The following ANPEP variants were observed in gnomAD, a reference collection of about 807,000 sequenced individuals.
The protein encoded by ANPEP is alanyl aminopeptidase, membrane.
ANPEP carries 70 observed loss-of-function variants against 114.6 expected under a neutral mutation model. That is an observed-to-expected ratio of 0.61 (90% CI 0.50 to 0.75). ANPEP has a LOEUF of 0.75. Ranked by LOEUF, ANPEP falls within the 30% of genes least tolerant of loss-of-function variation. The pLI, the probability that ANPEP is intolerant of heterozygous loss-of-function variation, is 0.00. For missense variants in ANPEP, 1,184 were observed against 1,259.5 expected (o/e 0.94, Z 0.91); for synonymous variants, 548 against 522.3 (o/e 1.05, Z -0.67).
chr15:89,792,430 G>T (rs1245888630), intron 17 of ANPEP, 22 bp downstream of exon 17: 7 of 1,613,384 alleles, frequency 4.3e-6, no homozygotes, highest in Non-Finnish European at 5.9e-6. Context: ...ACTGGCAGAG[G>T]AGGCGCAGGG....
At chr15:89,787,971 G>A (rs930407915) in intron 20 of ANPEP, among the ~76,000 whole-genome samples, 16 of 152,126 alleles carry the variant, frequency 1.1e-4, no homozygotes, top group African/African-American at 3.9e-4. Flanking sequence ...ACTAAAAAAA[G>A]AGGGAAAGAG....
At chr15:89,797,090 C>T (rs1285907766) in intron 15 of ANPEP, among the ~76,000 whole-genome samples, 2 of 151,876 alleles carry the variant, frequency 1.3e-5, no homozygotes, top group African/African-American at 4.9e-5. Flanking sequence ...GCAGCCAATA[C>T]CCACATCTCT....
chr15:89,804,405 G>T lies in ANPEP; in HGVS notation c.1027C>A (p.Gln343Lys). 6.2e-7 allele frequency: 1 copy of T among 1,614,222 alleles called. No individual in the cohort carries two copies. The highest frequency in any genetic ancestry group is 8.5e-7 in the Non-Finnish European group (1 of 1,180,030). Residue 343 changes from glutamine (Q) to lysine (K), a missense_variant and splice_region_variant, in exon 6 of 21, where the codon CAG (glutamine) becomes AAG (lysine). Physicochemically the swap from Gln to Lys is moderately conservative, Grantham distance 53 (BLOSUM62 1). Coordinates refer to ENST00000300060, the MANE Select transcript of ANPEP (RefSeq NM_001150.3). ...GCGTTGAAGTCTGGCAGGCCAATCT[G>T]GTCTGGGGAGGCGATGCCATTGGCA... is the stretch of plus-strand genomic sequence containing the variant. ...DTPYPLPKSD[Q>K]IGLPDFNAGA...
Position 89,803,769 on chromosome 15 carries a change from C to A in ANPEP, c.1315G>T (p.Asp439Tyr). The A allele has an allele frequency of 1.9e-6, 3 of 1,607,240 alleles. No homozygotes were observed. Among genetic ancestry groups the A allele is most frequent in the Non-Finnish European group, 1.7e-6 (2 of 1,174,942 alleles). The change falls in exon 8 of 21, where the codon GAT becomes TAT. Residue 439 changes from aspartate to tyrosine, a missense_variant. Asp to Tyr is a radical substitution (Grantham distance 160). Coordinates refer to ENST00000300060, the MANE Select transcript of ANPEP (RefSeq NM_001150.3). The surrounding 1 kb of genome is among the most constrained non-coding windows in gnomAD (Gnocchi z 4.2). ...WNLKDLMVLN[D>Y]VYRVMAVDAL... ...TCCACTGCCATCACGCGGTACACATCATTCAGCACCATGAGGTCTTTCTGC... is the reference window on the plus strand; with the variant it reads ...TCCACTGCCATCACGCGGTACACATAATTCAGCACCATGAGGTCTTTCTGC...
Position 89,806,872 on chromosome 15 carries a change from A to T in ANPEP, c.-223-66T>A. Reference sequence around the variant, plus strand: ...GCCTGGGATCAGGCCCGAGGGCTGAAGGGCAGGCTTCCGGCTGTAGGCCCA... The same window carrying T: ...GCCTGGGATCAGGCCCGAGGGCTGATGGGCAGGCTTCCGGCTGTAGGCCCA... On this transcript the variant is annotated intron_variant, in intron 1 of 20. Transcript: ENST00000300060. This position sits in a 1 kb window ranked among gnomAD's most constrained non-coding sequence, Gnocchi z 5.7. 1.9e-5 allele frequency: 7 copies of T among 372,344 alleles called. No homozygotes were observed. Among genetic ancestry groups the T allele is most frequent in the East Asian group, 4.8e-5 (1 of 20,932 alleles). 23.1% of individuals were successfully genotyped at this position (372,344 alleles called of 1,614,324 possible). A position where few individuals can be genotyped will look rare whatever the true frequency, so the allele number is the denominator to read the frequency against.
intron 15 of ANPEP, among the ~76,000 whole-genome samples, chr15:89,796,048 C>T (rs1968720615): frequency 6.6e-6 from 1 of 151,932 alleles, no homozygotes. Flanking sequence ...GATCCCATCT[C>T]TACAAAAGAT....
Position 89,801,236 on chromosome 15 carries a change from C to T in ANPEP, c.1743-49G>A, listed in dbSNP as rs112538519. Reference sequence around the variant, plus strand: ...GTGAGAGATGGCGGTGTGGTCACTGCCAGTGAGGAGCAGCTGCCCAGGCTC... The same window carrying T: ...GTGAGAGATGGCGGTGTGGTCACTGTCAGTGAGGAGCAGCTGCCCAGGCTC... On this transcript the variant is annotated intron_variant, in intron 11 of 20. Transcript: ENST00000300060. 1.5e-3 allele frequency: 2,329 copies of T among 1,598,362 alleles called. 39 individuals are homozygous for T. The African/African-American group carries it at 0.025, about 17-fold the overall frequency.
rs1567165141 is a variant in ANPEP at position 89,814,255 on chromosome 15, C to A, written c.-224+517G>T. The stretch of plus-strand genomic sequence containing the variant: ...CACCTAGAGTTCCCCTTCCTCTTCA[C>A]TGAGAGCTGCGGCGGAGGCTTTAGA... On this transcript the variant is annotated intron_variant, in intron 1 of 20. Coordinates refer to ENST00000300060, the MANE Select transcript of ANPEP (RefSeq NM_001150.3). Among the ~76,000 whole-genome samples, 17 of 152,108 alleles carry A rather than the reference C, an allele frequency of 1.1e-4. 1 individual carries two copies. Among genetic ancestry groups the A allele is most frequent in the Non-Finnish European group, 2.5e-4 (17 of 67,986 alleles).
intron 1 of ANPEP, among the ~76,000 whole-genome samples, chr15:89,811,179 G>A (rs760136637): frequency 2.0e-5 from 3 of 152,200 alleles, no homozygotes; most frequent in Non-Finnish European, 4.4e-5. Context: ...CTCTCTACCC[G>A]ACATTCCTTC....
intron 2 of ANPEP, 144 bp downstream of exon 2, chr15:89,805,826 A>T (rs1894699162): frequency 1.7e-6 from 2 of 1,194,792 alleles, no homozygotes. Context: ...CTGCTTTGCC[A>T]GCAGCTGGAG....
Position 89,801,095 on chromosome 15 carries a change from G to A in ANPEP, c.1819+16C>T. On this transcript the variant is annotated intron_variant, in intron 12 of 20. Coordinates refer to ENST00000300060, the MANE Select transcript of ANPEP (RefSeq NM_001150.3). ...ATGGGGTGGGGGCTGCTGCCCATAA[G>A]GCAGGGCTGGATTACCTCTTACATC... is the stretch of plus-strand genomic sequence containing the variant. 1.9e-6 allele frequency: 3 copies of A among 1,612,734 alleles called. No homozygotes were observed. The highest frequency in any genetic ancestry group is 2.5e-6 in the Non-Finnish European group (3 of 1,178,844).
At chr15:89,800,885 ATG>A (rs1894574672) in intron 12 of ANPEP, among the ~76,000 whole-genome samples, 1 of 152,134 alleles carries the variant, frequency 6.6e-6, no homozygotes, top group African/African-American at 2.4e-5. Flanking sequence ...CACATAACTA[ATG>A]GAGTATTGCT....
intron 20 of ANPEP, among the ~76,000 whole-genome samples, chr15:89,788,969 C>G (rs1057277170): frequency 6.6e-6 from 1 of 151,604 alleles, no homozygotes; most frequent in African/African-American, 2.4e-5. Flanking sequence ...TTTGATGGTC[C>G]ATGAATTATA....
rs773892132 is a variant in ANPEP, at chr15:89,791,032, T to G, written c.2590A>C (p.Ile864Leu). 6.2e-7 allele frequency: 1 copy of G among 1,614,204 alleles called. No individual in the cohort carries two copies. Among genetic ancestry groups the G allele is most frequent in the Non-Finnish European group, 8.5e-7 (1 of 1,180,042 alleles). Reference protein sequence around the residue: ...IRKQDATSTIISITNNVIGQG... With the variant: ...IRKQDATSTILSITNNVIGQG... ...CCAATGACGTTGTTGGTAATGCTGA[T>G]GATGGTAGAGGTGGCGTCCTGCTTC... is the stretch of plus-strand genomic sequence containing the variant. The change falls in exon 19 of 21, where the codon ATC becomes CTC. Residue 864 changes from isoleucine to leucine, a missense_variant. By Grantham distance (5) the Ile-to-Leu change is conservative (BLOSUM62 2). Coordinates refer to ENST00000300060, the MANE Select transcript of ANPEP (RefSeq NM_001150.3).
intron 1 of ANPEP, among the ~76,000 whole-genome samples, chr15:89,811,707 G>A (rs1243771089): frequency 6.6e-6 from 1 of 151,436 alleles, no homozygotes; most frequent in African/African-American, 2.4e-5. Flanking sequence ...GCTCCTAAAA[G>A]GATCCTGTCC....
intron 20 of ANPEP, among the ~76,000 whole-genome samples, chr15:89,788,507 C>T (rs1315513492): frequency 6.6e-6 from 1 of 152,044 alleles, no homozygotes; most frequent in Admixed American, 6.5e-5. Context: ...CTAATGAGTA[C>T]AAGGTTTTTT....
At chr15:89,807,815 A>G (rs952419822) in intron 1 of ANPEP, among the ~76,000 whole-genome samples, 1 of 152,220 alleles carries the variant, frequency 6.6e-6, no homozygotes, top group African/African-American at 2.4e-5. Flanking sequence ...CACACCTTAC[A>G]GGAAAATTAT....
At chr15:89,793,329 A>C in intron 15 of ANPEP, 2 of 502,186 alleles carry the variant, frequency 4.0e-6, no homozygotes, top group South Asian at 2.7e-5. Flanking sequence ...TTAAAGCCTT[A>C]GTCAGTTGCA....
In ANPEP at chr15:89,806,380, A is replaced by G; in HGVS notation, c.204T>C (p.Ser68=). The G allele has an allele frequency of 6.2e-7, 1 of 1,613,884 alleles. No individual in the cohort carries two copies. The highest frequency in any genetic ancestry group is 8.5e-7 in the Non-Finnish European group (1 of 1,179,926). The part of the protein sequence containing the change: ...NPASATTLDQ[S]KAWNRYRLPN... ...GGAGGCGGTAACGATTCCACGCTTT[A>G]CTTTGGTCCAAGGTGGTGGCCGAGG... The change falls in exon 2 of 21, where the codon AGT becomes AGC. Residue 68 remains serine, a synonymous_variant. Coordinates refer to ENST00000300060, the MANE Select transcript of ANPEP (RefSeq NM_001150.3). The surrounding 1 kb of genome is among the most constrained non-coding windows in gnomAD (Gnocchi z 5.7).
Sources: allele counts gnomAD v4.1 joint callset (sites outside exome capture counted in the v4.1 genomes callset), GRCh38; gene constraint gnomAD v4.1.1; non-coding constraint Gnocchi (gnomAD v3.1); transcripts MANE v1.5; gene names NCBI Gene and HGNC (gene_info 2026-07-23, HGNC 2026-07-21).